The following EDNRA variants were observed in gnomAD, a reference collection of about 807,000 sequenced individuals.
EDNRA encodes the protein endothelin receptor type A.
Under a neutral mutation model 41.4 loss-of-function variants are expected in EDNRA, and 11 were observed. The observed-to-expected ratio is 0.27, with a 90% CI of 0.17 to 0.44. The LOEUF (loss-of-function observed/expected upper bound fraction) is 0.44. EDNRA is among the 20% of genes least tolerant of loss of function. EDNRA has a pLI of 1.00. For missense variants in EDNRA, 294 were observed against 531.0 expected (o/e 0.55, Z 4.39); for synonymous variants, 172 against 183.0 (o/e 0.94, Z 0.49).
intron 5 of EDNRA, among the ~76,000 whole-genome samples, chr4:147,538,592 A>G (rs2126485156): frequency 6.6e-6 from 1 of 152,294 alleles, no homozygotes; most frequent in South Asian, 2.1e-4. Context: ...TTCTGGGCAC[A>G]CTGTCTTTCT....
At chr4:147,527,837 A>G (rs1172282405) in intron 3 of EDNRA, among the ~76,000 whole-genome samples, 1 of 152,218 alleles carries the variant, frequency 6.6e-6, no homozygotes, top group Non-Finnish European at 1.5e-5. Context: ...GGCAGCCCTG[A>G]GCCATGGTCC....
In EDNRA at chr4:147,542,843, G is replaced by A; in HGVS notation, c.*225G>A. On this transcript the variant is annotated 3_prime_UTR_variant, in exon 8 of 8. Coordinates refer to ENST00000651419, the MANE Select transcript of EDNRA (RefSeq NM_001957.4). Reference sequence around the variant, plus strand: ...ATCTAATTTACATATTCTGCGTGTTGTATTCAGCACTAAAAAATGGTGGGA... The same window carrying A: ...ATCTAATTTACATATTCTGCGTGTTATATTCAGCACTAAAAAATGGTGGGA... 2.1e-6 allele frequency: 1 copy of A among 470,554 alleles called. No individual in the cohort carries two copies. Among genetic ancestry groups the A allele is most frequent in the South Asian group, 4.2e-5 (1 of 23,802 alleles). 29.1% of individuals were successfully genotyped at this position (470,554 alleles called of 1,614,324 possible). A position where few individuals can be genotyped will look rare whatever the true frequency, so the allele number is the denominator to read the frequency against.
intron 4 of EDNRA, among the ~76,000 whole-genome samples, chr4:147,535,089 G>A (rs553037423): frequency 2.6e-5 from 4 of 152,138 alleles, no homozygotes; most frequent in Non-Finnish European, 2.9e-5. Flanking sequence ...AAAGCATTTC[G>A]TCCCAAGTTG....
chr4:147,491,101 T>G lies in EDNRA; in HGVS notation c.420+5000T>G, dbSNP rs1729122837. ...TGAGAACAACAGTGATAGAAGCCGGTAACTCTGTTGATTACTAATTTTGTC... is the reference window on the plus strand; with the variant it reads ...TGAGAACAACAGTGATAGAAGCCGGGAACTCTGTTGATTACTAATTTTGTC... On this transcript the variant is annotated intron_variant, in intron 2 of 7. Transcript: ENST00000651419. 2.6e-5 allele frequency: 4 copies of G among 152,374 alleles called. No individual in the cohort carries two copies. The South Asian group carries it at 8.3e-4, about 32-fold the overall frequency. The allele number at this position is 152,374 out of a possible 1,614,324, so 9.4% of individuals were successfully genotyped here.
chr4:147,481,701 G>T (rs1450233626), intron 1 of EDNRA, among the ~76,000 whole-genome samples: 1 of 152,228 alleles, frequency 6.6e-6, no homozygotes, highest in Non-Finnish European at 1.5e-5. Flanking sequence ...TTTTCCCCAG[G>T]CATGCAAGAA....
At chr4:147,526,951 A>G (rs181084313) in intron 3 of EDNRA, among the ~76,000 whole-genome samples, 17 of 152,302 alleles carry the variant, frequency 1.1e-4, no homozygotes, top group African/African-American at 3.6e-4. Context: ...CCCTATCTCT[A>G]AAAAAGAATT....
intron 2 of EDNRA, among the ~76,000 whole-genome samples, chr4:147,517,348 A>G (rs17675063): frequency 0.088 from 13,452 of 152,104 alleles, 816 homozygotes; most frequent in East Asian, 0.24. Flanking sequence ...TGAATGTAGG[A>G]CTGCTCCAAC....
At chr4:147,528,939 C>T (rs1730653516) in intron 3 of EDNRA, among the ~76,000 whole-genome samples, 2 of 152,084 alleles carry the variant, frequency 1.3e-5, no homozygotes, top group Admixed American at 1.3e-4. Flanking sequence ...GTAACAGCCT[C>T]ACTCCAGTTG....
chr4:147,496,480 T>C (rs1578780721), intron 2 of EDNRA, among the ~76,000 whole-genome samples: 1 of 152,252 alleles, frequency 6.6e-6, no homozygotes, highest in East Asian at 1.9e-4. Context: ...AGCATACACA[T>C]AGAATAATGT....
intron 2 of EDNRA, among the ~76,000 whole-genome samples, chr4:147,516,822 C>G (rs1344979112): frequency 6.6e-6 from 1 of 152,088 alleles, no homozygotes; most frequent in Non-Finnish European, 1.5e-5. Context: ...TTCTCTTAAA[C>G]AGTTACTTAT....
At chr4:147,534,168 C>T (rs374150712) in intron 4 of EDNRA, among the ~76,000 whole-genome samples, 66 of 152,204 alleles carry the variant, frequency 4.3e-4, no homozygotes, top group Non-Finnish European at 8.2e-4. Flanking sequence ...GCCTCTAGAC[C>T]CTCTGCAGCT....
rs146191077 is a variant in EDNRA at position 147,501,389 on chromosome 4, A to C, written c.420+15288A>C. Among the ~76,000 whole-genome samples, 39 of 152,344 alleles carry C rather than the reference A, an allele frequency of 2.6e-4. 1 individual carries two copies. The highest frequency in any genetic ancestry group is 9.1e-4 in the African/African-American group (38 of 41,582). ...ACATTTATGCCTTTGTATAAATTAG[A>C]GAAAATCCTAATGTTTCATGTTTTG... On this transcript the variant is annotated intron_variant, in intron 2 of 7. Coordinates refer to ENST00000651419, the MANE Select transcript of EDNRA (RefSeq NM_001957.4).
chr4:147,481,553 C>T (rs921027061), intron 1 of EDNRA, among the ~76,000 whole-genome samples, 177 bp downstream of exon 1: 11 of 152,188 alleles, frequency 7.2e-5, no homozygotes, highest in Admixed American at 1.3e-4. Flanking sequence ...CCCCAGGGCG[C>T]GCGGGGAGGC....
chr4:147,485,779 A>G lies in EDNRA; in HGVS notation c.98A>G (p.His33Arg), dbSNP rs746216943. 5.6e-6 allele frequency: 9 copies of G among 1,614,138 alleles called. No homozygotes were observed. Among genetic ancestry groups the G allele is most frequent in the Middle Eastern group, 1.6e-4 (1 of 6,084 alleles). ...PERYSTNLSNHVDDFTTFRGT... is the reference protein window; with the variant it reads ...PERYSTNLSNRVDDFTTFRGT... Reference sequence around the variant, plus strand: ...AGATACAGCACAAATCTAAGCAATCATGTGGATGATTTCACCACTTTTCGT... The same window carrying G: ...AGATACAGCACAAATCTAAGCAATCGTGTGGATGATTTCACCACTTTTCGT... The change falls in exon 2 of 8, where the codon CAT (histidine) becomes CGT (arginine). Residue 33 changes from histidine (H) to arginine (R), a missense_variant. By Grantham distance (29) the His-to-Arg change is conservative. This residue lies in a region of EDNRA where 90 missense variants were observed against 122.8 expected (regional missense o/e 0.73). Transcript: ENST00000651419.
chr4:147,533,410 G>A (rs1297736267), intron 4 of EDNRA, among the ~76,000 whole-genome samples: 1 of 152,154 alleles, frequency 6.6e-6, no homozygotes, highest in Non-Finnish European at 1.5e-5. Flanking sequence ...CATGTGGACT[G>A]AGGAGGAAAA....
intron 5 of EDNRA, 125 bp from the exon 6 acceptor site, chr4:147,539,685 GCCAGGCT>G: frequency 9.5e-7 from 1 of 1,052,522 alleles, no homozygotes; most frequent in Non-Finnish European, 1.4e-6. Context: ...GGCAGTGTAA[GCCAGGCT>G]GTTCTCCTGG....
rs1731212699 is a variant in EDNRA, at chr4:147,544,208, C to T, written c.*1590C>T. The T allele has an allele frequency of 6.5e-6, 1 of 152,814 alleles. No individual in the cohort carries two copies. Among genetic ancestry groups the T allele is most frequent in the Non-Finnish European group, 1.5e-5 (1 of 68,028 alleles). The allele number at this position is 152,814 out of a possible 1,614,324, so 9.5% of individuals were successfully genotyped here. A position where few individuals can be genotyped will look rare whatever the true frequency, so the allele number is the denominator to read the frequency against. On this transcript the variant is annotated 3_prime_UTR_variant, in exon 8 of 8. Transcript: ENST00000651419. ...ACAACCTGCCTCAGTCCATTTTAAC[C>T]TGTAGCAACCTTCTGCATTCATAAA...
intron 2 of EDNRA, among the ~76,000 whole-genome samples, chr4:147,514,131 C>T (rs974111818): frequency 1.3e-5 from 2 of 152,072 alleles, no homozygotes; most frequent in African/African-American, 4.8e-5. Context: ...ATTTGAGCAC[C>T]CCAAATGAGC....
chr4:147,516,723 CTTGTT>C (rs1042984804), intron 2 of EDNRA, among the ~76,000 whole-genome samples: 11 of 151,952 alleles, frequency 7.2e-5, no homozygotes, highest in Middle Eastern at 3.4e-3. Flanking sequence ...TTTGTTTTGT[CTTGTT>C]TTGTTTTGTT....
Sources: allele counts gnomAD v4.1 joint callset (sites outside exome capture counted in the v4.1 genomes callset), GRCh38; gene constraint gnomAD v4.1.1; regional missense constraint gnomAD v4.1.1; transcripts MANE v1.5; gene names NCBI Gene and HGNC (gene_info 2026-07-23, HGNC 2026-07-21).